MAGI1: variants seen among roughly 807,000 people sequenced by gnomAD.
MAGI1 encodes membrane associated guanylate kinase, WW and PDZ domain containing 1, also known as membrane-associated guanylate kinase, WW and PDZ domain-containing protein 1.
Under a neutral mutation model 139.9 loss-of-function variants are expected in MAGI1, and 58 were observed. That is an observed-to-expected ratio of 0.41 (90% CI 0.34 to 0.52). MAGI1 has a LOEUF of 0.52. Among genes scored for constraint, MAGI1 ranks in the 20% least tolerant of loss-of-function variants. The probability of loss-of-function intolerance (pLI) is 0.12; values close to 1 mark genes in which losing one functional copy is unlikely to be tolerated. For synonymous variants in MAGI1, 812 were observed against 737.9 expected, an observed-to-expected ratio of 1.10 and a Z score of -1.63; for missense variants, 1,874 against 1,901.6, an observed-to-expected ratio of 0.99 and a Z score of 0.27.
chr3:65,600,487 C>T (rs1179564773), intron 2 of MAGI1, among the ~76,000 whole-genome samples: 1 of 152,196 alleles, frequency 6.6e-6, no homozygotes, highest in Non-Finnish European at 1.5e-5. Context: ...TATCTTGACA[C>T]ACTCAATCTC....
At chr3:65,581,842 G>A (rs1483412095) in intron 2 of MAGI1, among the ~76,000 whole-genome samples, 2 of 151,876 alleles carry the variant, frequency 1.3e-5, no homozygotes, top group Non-Finnish European at 2.9e-5. Flanking sequence ...CTCCCTTACT[G>A]ACCTCCAGCT....
intron 12 of MAGI1, among the ~76,000 whole-genome samples, chr3:65,416,576 TAA>T (rs1461131443): frequency 6.6e-6 from 1 of 152,152 alleles, no homozygotes; most frequent in Non-Finnish European, 1.5e-5. Flanking sequence ...AGCACGGTGC[TAA>T]AGTTTGTTGA....
At chr3:65,995,311 G>A (rs754532103) in intron 1 of MAGI1, among the ~76,000 whole-genome samples, 1 of 152,218 alleles carries the variant, frequency 6.6e-6, no homozygotes. Flanking sequence ...GCTGTCCAGA[G>A]GAGTTCAGCA....
chr3:65,720,620 T>A (rs1490708837), intron 1 of MAGI1, among the ~76,000 whole-genome samples: 1 of 151,904 alleles, frequency 6.6e-6, no homozygotes, highest in Non-Finnish European at 1.5e-5. Context: ...ACCTTATACA[T>A]CCCCCAAGAA....
chr3:65,690,423 TA>T (rs2088478919), intron 1 of MAGI1, among the ~76,000 whole-genome samples: 1 of 152,192 alleles, frequency 6.6e-6, no homozygotes, highest in Admixed American at 6.5e-5. Flanking sequence ...AATGCTTTTT[TA>T]AAAACTGCTG....
intron 2 of MAGI1, among the ~76,000 whole-genome samples, chr3:65,538,027 T>A (rs1300192061): frequency 6.6e-6 from 1 of 151,994 alleles, no homozygotes; most frequent in Admixed American, 6.6e-5. Context: ...CCCAGCTACT[T>A]TGAAGGCTGA....
intron 1 of MAGI1, among the ~76,000 whole-genome samples, chr3:65,764,084 G>GAAAAAAAAA (rs5849691): frequency 1.4e-4 from 18 of 125,496 alleles, no homozygotes; most frequent in Admixed American, 2.4e-4. Flanking sequence ...AAGAAAAAAA[G>GAAAAAAAAA]AAAAAAAAAA....
intron 2 of MAGI1, among the ~76,000 whole-genome samples, chr3:65,497,524 G>A (rs762797716): frequency 2.6e-5 from 4 of 152,016 alleles, no homozygotes; most frequent in Non-Finnish European, 4.4e-5. Flanking sequence ...TGTTCTATAT[G>A]GCAACTCTCA....
intron 2 of MAGI1, among the ~76,000 whole-genome samples, chr3:65,608,501 G>A (rs1453222764): frequency 6.6e-6 from 1 of 152,022 alleles, no homozygotes; most frequent in Non-Finnish European, 1.5e-5. Flanking sequence ...CATGAAAGAG[G>A]ATATCCAAAT....
At chr3:65,386,226 T>A (rs1275526708) in intron 14 of MAGI1, among the ~76,000 whole-genome samples, 1 of 142,602 alleles carries the variant, frequency 7.0e-6, no homozygotes, top group African/African-American at 2.6e-5. Flanking sequence ...TTTAGGCTTA[T>A]CACACCGTTT....
chr3:66,029,346 GTC>G (rs2068472931), intron 1 of MAGI1, among the ~76,000 whole-genome samples: 1 of 152,136 alleles, frequency 6.6e-6, no homozygotes, highest in African/African-American at 2.4e-5. Flanking sequence ...AGAGCCTCGA[GTC>G]TTGTCTCATA....
rs542684940 is a variant in MAGI1, at chr3:65,742,626, G to C, written c.314-120538C>G. ...GTCTGTGCATTCCCCAGTGTCTGCT[G>C]GGGTGCATGCACAACAGCTGACTTT... On this transcript the variant is annotated intron_variant, in intron 1 of 22. Coordinates refer to ENST00000402939, the MANE Select transcript of MAGI1 (RefSeq NM_001033057.2). Among the ~76,000 whole-genome samples, 12 of 152,310 alleles carry C rather than the reference G, an allele frequency of 7.9e-5. No homozygotes were observed. The East Asian group carries it at 2.3e-3, about 29-fold the overall frequency.
At chr3:66,037,924 C>T in intron 1 of MAGI1, 72 bp downstream of exon 1, 2 of 1,509,922 alleles carry the variant, frequency 1.3e-6, no homozygotes, top group Non-Finnish European at 1.8e-6. Context: ...AGCAGGAAAT[C>T]GAGAATAAGG....
At chr3:65,962,939 CAA>C (rs200089141) in intron 1 of MAGI1, among the ~76,000 whole-genome samples, 29 of 84,890 alleles carry the variant, frequency 3.4e-4, no homozygotes, top group Non-Finnish European at 4.0e-4. Context: ...CAAGTGTCAG[CAA>C]AAAAAAAAAA....
intron 1 of MAGI1, among the ~76,000 whole-genome samples, chr3:65,672,934 A>T (rs1038881862): frequency 1.3e-5 from 2 of 152,238 alleles, no homozygotes; most frequent in African/African-American, 4.8e-5. Flanking sequence ...CCAGGCCATA[A>T]TCAAGTATGA....
rs528533345 is a variant in MAGI1, at chr3:65,910,392, A to T, written c.313+127604T>A. 1.8e-3 allele frequency among the ~76,000 whole-genome samples: 273 copies of T among 152,352 alleles called. 3 individuals are homozygous for T. Among genetic ancestry groups the T allele is most frequent in the African/African-American group, 6.4e-3 (265 of 41,582 alleles). On this transcript the variant is annotated intron_variant, in intron 1 of 22. Coordinates refer to ENST00000402939, the MANE Select transcript of MAGI1 (RefSeq NM_001033057.2). ...ATAAATGCAATGCTGTACTGTTGAA[A>T]ATACACAAGTCTTTCAAATGCATAT...
intron 2 of MAGI1, among the ~76,000 whole-genome samples, chr3:65,568,092 C>T (rs2080757840): frequency 6.6e-6 from 1 of 152,106 alleles, no homozygotes; most frequent in African/African-American, 2.4e-5. Flanking sequence ...GTAAAGGACA[C>T]AACCAGAGGC....
intron 1 of MAGI1, among the ~76,000 whole-genome samples, chr3:65,965,801 T>C (rs1453907499): frequency 6.6e-6 from 1 of 152,114 alleles, no homozygotes; most frequent in African/African-American, 2.4e-5. Flanking sequence ...CCTAGTAGAA[T>C]GCACCACCAT....
chr3:65,617,155 A>G (rs904568828), intron 2 of MAGI1, among the ~76,000 whole-genome samples: 8 of 152,236 alleles, frequency 5.3e-5, no homozygotes, highest in African/African-American at 9.6e-5. Context: ...CTTTAAGTCA[A>G]TGATCAATAC....
Sources: gnomAD v4.1 joint callset for allele counts (sites outside exome capture counted in the v4.1 genomes callset) on GRCh38, gnomAD v4.1.1 for gene constraint, MANE v1.5 for transcripts, NCBI Gene and HGNC (gene_info 2026-07-23, HGNC 2026-07-21) for gene names.